SSH1: variants seen among roughly 807,000 people sequenced by gnomAD.
SSH1 encodes the protein slingshot protein phosphatase 1, also known as protein phosphatase Slingshot homolog 1.
Under a neutral mutation model 79.7 loss-of-function variants are expected in SSH1, and 43 were observed. That is an observed-to-expected ratio of 0.54 (90% CI 0.42 to 0.70). SSH1 has a LOEUF of 0.70. SSH1 is among the 30% of genes least tolerant of loss of function. The probability of loss-of-function intolerance (pLI) is 0.00; values close to 1 mark genes in which losing one functional copy is unlikely to be tolerated. For synonymous variants in SSH1, 599 were observed against 538.3 expected (o/e 1.11, Z -1.56); for missense variants, 1,206 against 1,358.8 (o/e 0.89, Z 1.77).
intron 6 of SSH1, 93 bp downstream of exon 6, chr12:108,811,167 A>C: frequency 8.8e-7 from 1 of 1,131,210 alleles, no homozygotes; most frequent in Admixed American, 1.7e-5. Flanking sequence ...CGTGTCATTC[A>C]GTGCTAATGA....
Position 108,802,686 on chromosome 12 carries a change from G to C in SSH1, c.955-318C>G, listed in dbSNP as rs1037712636. Among the ~76,000 whole-genome samples the C allele has an allele frequency of 2.6e-4, 39 of 152,272 alleles. 1 individual carries two copies. Among genetic ancestry groups the C allele is most frequent in the Admixed American group, 6.5e-4 (10 of 15,280 alleles). On this transcript the variant is annotated intron_variant, in intron 10 of 14. Coordinates refer to ENST00000326495, the MANE Select transcript of SSH1 (RefSeq NM_018984.4). ...TCCTTTCCTAAGAGTCCAGTGGGGGGGGGTCCTGTAAGCAGAGGCAATGAC... is the reference window on the plus strand; with the variant it reads ...TCCTTTCCTAAGAGTCCAGTGGGGGCGGGTCCTGTAAGCAGAGGCAATGAC...
chr12:108,817,907 TA>T (rs1297175323), intron 4 of SSH1, among the ~76,000 whole-genome samples: 1 of 151,682 alleles, frequency 6.6e-6, no homozygotes, highest in African/African-American at 2.4e-5. Context: ...AATTAAAAAT[TA>T]AAACTTGCTG....
At position 108,792,488 on chromosome 12, in the gene SSH1, CAG is replaced by C; in HGVS notation, c.1689_1690del (p.Cys564Ter). 1 of 1,614,224 alleles carries C rather than the reference CAG, an allele frequency of 6.2e-7. No homozygotes were observed. Among genetic ancestry groups the C allele is most frequent in the South Asian group, 1.1e-5 (1 of 91,090 alleles). Reference sequence around the variant, plus strand: ...TAGTTTCTTCTTCACATCCTTCTCACAGAGTCCGGAACCTTGCTGGGGCTGTC... The same window carrying C: ...TAGTTTCTTCTTCACATCCTTCTCACAGTCCGGAACCTTGCTGGGGCTGTC... On this transcript the variant is annotated frameshift_variant, in exon 14 of 15. Coordinates refer to ENST00000326495, the MANE Select transcript of SSH1 (RefSeq NM_018984.4). LOFTEE classifies it high-confidence loss of function.
Position 108,792,748 on chromosome 12 carries a change from G to C in SSH1, c.1431C>G (p.Gly477=). 2 of 1,613,884 alleles carry C rather than the reference G, an allele frequency of 1.2e-6. No homozygotes were observed. Among genetic ancestry groups the C allele is most frequent in the Non-Finnish European group, 1.7e-6 (2 of 1,180,036 alleles). ...CATCTGGGGTCTCTGGCAAGAAGTC[G>C]CCAGGTCCTGCAGGGTCATCCACAG... The part of the protein sequence containing the change: ...QQPVDDPAGP[G]DFLPETPDGT... The change falls in exon 14 of 15, where the codon GGC becomes GGG. Residue 477 remains glycine, a synonymous_variant. Coordinates refer to ENST00000326495, the MANE Select transcript of SSH1 (RefSeq NM_018984.4).
chr12:108,817,320 T>A, intron 4 of SSH1, 161 bp from the exon 5 acceptor site: 1 of 1,042,040 alleles, frequency 9.6e-7, no homozygotes, highest in South Asian at 1.4e-5. Flanking sequence ...AGGCCTGTAA[T>A]CCCAGCACTT....
chr12:108,853,500 G>C (rs2039085087), intron 1 of SSH1: 1 of 269,502 alleles, frequency 3.7e-6, no homozygotes, highest in African/African-American at 2.3e-5. Flanking sequence ...ATGGCTGGGA[G>C]AGATGCAGGG....
intron 2 of SSH1, chr12:108,827,598 A>G (rs552201240): frequency 1.6e-4 from 198 of 1,236,654 alleles, no homozygotes; most frequent in Non-Finnish European, 1.9e-4. Flanking sequence ...ATTCAGCAAA[A>G]CAGCTGAGGT....
chr12:108,799,932 G>A (rs1313761280), intron 12 of SSH1, among the ~76,000 whole-genome samples: 1 of 152,214 alleles, frequency 6.6e-6, no homozygotes, highest in Non-Finnish European at 1.5e-5. Flanking sequence ...TTGTACAGAA[G>A]GCAGACCCAC....
Position 108,823,354 on chromosome 12 carries a change from CACTT to C in SSH1, c.114_117del (p.Ser39ArgfsTer6). On this transcript the variant is annotated frameshift_variant, in exon 3 of 15. Transcript: ENST00000326495. LOFTEE classifies it high-confidence loss of function. ...GCGCCTTTCACCATGAAAAAGCTCTCACTTAAGCTGGGAAGGATAAGACCAGAGC... is the reference window on the plus strand; with the variant it reads ...GCGCCTTTCACCATGAAAAAGCTCTCAAGCTGGGAAGGATAAGACCAGAGC... 6.4e-7 allele frequency: 1 copy of C among 1,567,820 alleles called. No individual in the cohort carries two copies. Among genetic ancestry groups the C allele is most frequent in the Non-Finnish European group, 8.7e-7 (1 of 1,154,660 alleles).
In SSH1 at chr12:108,780,768, G is replaced by C. The variant is rs1378913921; in HGVS notation, c.*7220C>G. The C allele has an allele frequency of 2.6e-5, 4 of 152,274 alleles. No individual in the cohort carries two copies. Among genetic ancestry groups the C allele is most frequent in the African/African-American group, 9.6e-5 (4 of 41,462 alleles). 9.4% of individuals were successfully genotyped at this position (152,274 alleles called of 1,614,324 possible). On this transcript the variant is annotated 3_prime_UTR_variant, in exon 15 of 15. Transcript: ENST00000326495. ...TAGAAGCATCCTGTGGCTTGGCGCG[G>C]TGGCTCATGCCTATAATCCCAGCAC...
chr12:108,853,528 T>C (rs553813787), intron 1 of SSH1, among the ~76,000 whole-genome samples: 8 of 151,604 alleles, frequency 5.3e-5, no homozygotes, highest in Non-Finnish European at 1.2e-4. Flanking sequence ...AGGACAGAAA[T>C]GAGGCAGGAG....
rs1403247295 is a variant in SSH1 at position 108,827,263 on chromosome 12, T to C, written c.111-3902A>G. On this transcript the variant is annotated intron_variant, in intron 2 of 14. Coordinates refer to ENST00000326495, the MANE Select transcript of SSH1 (RefSeq NM_018984.4). ...CAGTAATCAGGGTGGTCATACGTAC[T>C]AATTTGAGCTGGAAACCTCTGGACA... 11 of 1,548,280 alleles carry C rather than the reference T, an allele frequency of 7.1e-6. No individual in the cohort carries two copies. The East Asian group carries it at 2.2e-4, about 31-fold the overall frequency.
intron 5 of SSH1, among the ~76,000 whole-genome samples, chr12:108,813,058 G>A (rs969791007): frequency 6.6e-6 from 1 of 151,968 alleles, no homozygotes; most frequent in Non-Finnish European, 1.5e-5. Flanking sequence ...TACAGATAAG[G>A]CCCCACTATA....
chr12:108,840,047 G>C (rs377381833), intron 2 of SSH1, among the ~76,000 whole-genome samples: 2 of 152,194 alleles, frequency 1.3e-5, no homozygotes, highest in Non-Finnish European at 2.9e-5. Context: ...CTGACCACAC[G>C]CAGGCTCTCC....
At chr12:108,844,723 C>T (rs974374497) in intron 2 of SSH1, among the ~76,000 whole-genome samples, 3 of 152,140 alleles carry the variant, frequency 2.0e-5, no homozygotes, top group Non-Finnish European at 4.4e-5. Context: ...ACAGTCATTC[C>T]AGTGATAACA....
intron 9 of SSH1, among the ~76,000 whole-genome samples, chr12:108,805,510 TTCTA>T (rs143779148): frequency 0.052 from 7,932 of 152,244 alleles, 270 homozygotes; most frequent in Non-Finnish European, 0.08. Context: ...CTAAAATCAG[TTCTA>T]TCTTTCTTGG....
At position 108,798,910 on chromosome 12, in the gene SSH1, A is replaced by G. The variant is rs972878023; in HGVS notation, c.1349+90T>C. 30 of 1,472,606 alleles carry G rather than the reference A, an allele frequency of 2.0e-5. No individual in the cohort carries two copies. The African/African-American group carries it at 2.6e-4, about 13-fold the overall frequency. 91.2% of individuals were successfully genotyped at this position (1,472,606 alleles called of 1,614,324 possible). The stretch of plus-strand genomic sequence containing the variant: ...AGCGGCTGCTGGGCCGAATGGGAGC[A>G]TGCTCTGCTGCCGACAGAGGCCTGG... On this transcript the variant is annotated intron_variant, in intron 13 of 14. Transcript: ENST00000326495.
chr12:108,852,860 T>C (rs570465850), intron 1 of SSH1, 182 bp from the exon 2 acceptor site: 245 of 985,296 alleles, frequency 2.5e-4, no homozygotes, highest in Non-Finnish European at 2.8e-4. Context: ...GTCATTTCCG[T>C]GGGGGAATTT....
intron 2 of SSH1, among the ~76,000 whole-genome samples, chr12:108,824,270 C>T (rs754676103): frequency 6.6e-6 from 1 of 151,988 alleles, no homozygotes; most frequent in Non-Finnish European, 1.5e-5. Flanking sequence ...ATGGTGAAAC[C>T]CTGTCTCTAC....
Sources: allele counts gnomAD v4.1 joint callset (sites outside exome capture counted in the v4.1 genomes callset), GRCh38; gene constraint gnomAD v4.1.1; transcripts MANE v1.5; gene names NCBI Gene and HGNC (gene_info 2026-07-23, HGNC 2026-07-21).